The following XKR6 variants were observed in gnomAD, a reference collection of about 807,000 sequenced individuals.
XKR6 encodes the protein XK related 6, also known as XK-related protein 6.
In XKR6, 22 loss-of-function variants were observed where a neutral mutation model predicts 56.7. The observed-to-expected ratio is 0.39, with a 90% confidence interval of 0.28 to 0.55. The LOEUF (loss-of-function observed/expected upper bound fraction) is 0.55. Among genes scored for constraint, XKR6 ranks in the 20% least tolerant of loss-of-function variants. The probability of loss-of-function intolerance (pLI) is 0.66; values close to 1 mark genes in which losing one functional copy is unlikely to be tolerated. For missense variants in XKR6, 852 were observed against 889.0 expected, an observed-to-expected ratio of 0.96 and a Z score of 0.53; for synonymous variants, 524 against 387.8, an observed-to-expected ratio of 1.35 and a Z score of -4.13.
At chr8:10,923,206 T>A (rs915764173) in intron 2 of XKR6, among the ~76,000 whole-genome samples, 5 of 152,264 alleles carry the variant, frequency 3.3e-5, no homozygotes, top group African/African-American at 1.2e-4. Context: ...AACTGGTCCC[T>A]CAGCTCAGTG....
chr8:11,101,663 G>C (rs764504039), intron 1 of XKR6, among the ~76,000 whole-genome samples: 1 of 152,196 alleles, frequency 6.6e-6, no homozygotes, highest in African/African-American at 2.4e-5. Flanking sequence ...TCACAGGAGA[G>C]AAGTCCTGGA....
In XKR6 at chr8:11,106,863, A is replaced by AAAAAAAAAAAAAAAAAAAAG. The variant is rs60435831; in HGVS notation, c.764+93712_764+93713insCTTTTTTTTTTTTTTTTTTT. On this transcript the variant is annotated intron_variant, in intron 1 of 2. Transcript: ENST00000416569. Reference sequence around the variant, plus strand: ...GAGACTTCATCTCAAAAAAAAAAAAAAATAAAAAAGATACAACGTTACAAA... The same window carrying AAAAAAAAAAAAAAAAAAAAG: ...GAGACTTCATCTCAAAAAAAAAAAAAAAAAAAAAAAAAAAAAAAAGAATAAAAAAGATACAACGTTACAAA... Among the ~76,000 whole-genome samples the AAAAAAAAAAAAAAAAAAAAG allele has an allele frequency of 1.3e-3, 142 of 109,872 alleles. 10 individuals carry two copies. The highest frequency in any genetic ancestry group is 5.7e-3 in the African/African-American group (124 of 21,600). 72.1% of individuals were successfully genotyped at this position (109,872 alleles called of 152,430 possible). A position where few individuals can be genotyped will look rare whatever the true frequency, so the allele number is the denominator to read the frequency against.
At chr8:11,173,290 G>C (rs1266334449) in intron 1 of XKR6, among the ~76,000 whole-genome samples, 1 of 151,506 alleles carries the variant, frequency 6.6e-6, no homozygotes, top group African/African-American at 2.4e-5. Context: ...CTTGCAGTGA[G>C]CTGAGATCGT....
intron 1 of XKR6, among the ~76,000 whole-genome samples, chr8:11,042,071 A>G (rs1349866648): frequency 6.6e-6 from 1 of 152,198 alleles, no homozygotes; most frequent in Admixed American, 6.5e-5. Context: ...ATAAGCAAGT[A>G]CACATGCACC....
At chr8:11,188,211 G>T (rs1172230116) in intron 1 of XKR6, among the ~76,000 whole-genome samples, 1 of 152,112 alleles carries the variant, frequency 6.6e-6, no homozygotes, top group Non-Finnish European at 1.5e-5. Context: ...CCAAAACCAG[G>T]TAACATGCCT....
chr8:11,148,649 C>A (rs1185057751), intron 1 of XKR6, among the ~76,000 whole-genome samples: 1 of 152,176 alleles, frequency 6.6e-6, no homozygotes, highest in Non-Finnish European at 1.5e-5. Context: ...ATATACCTAT[C>A]ATATGATCCA....
chr8:11,185,606 A>T (rs1352512674), intron 1 of XKR6, among the ~76,000 whole-genome samples: 2 of 152,164 alleles, frequency 1.3e-5, no homozygotes, highest in African/African-American at 4.8e-5. Context: ...TTCCTGGGAG[A>T]TGGCACCCAA....
intron 1 of XKR6, among the ~76,000 whole-genome samples, chr8:10,961,415 G>C (rs1224528541): frequency 6.6e-6 from 1 of 152,194 alleles, no homozygotes; most frequent in East Asian, 1.9e-4. Flanking sequence ...GGCAGAGCTT[G>C]GGCCTGGCAT....
At chr8:11,009,564 G>A (rs532983991) in intron 1 of XKR6, among the ~76,000 whole-genome samples, 2 of 152,208 alleles carry the variant, frequency 1.3e-5, no homozygotes, top group African/African-American at 4.8e-5. Context: ...GAGATAGCAT[G>A]AGCTTAGAAC....
intron 1 of XKR6, among the ~76,000 whole-genome samples, chr8:10,986,077 A>G (rs2129138949): frequency 6.6e-6 from 1 of 152,376 alleles, no homozygotes; most frequent in Middle Eastern, 3.4e-3. Flanking sequence ...GTACTTGCAT[A>G]AAAGATGTAG....
At chr8:11,012,886 C>T (rs11250109) in intron 1 of XKR6, among the ~76,000 whole-genome samples, 9,275 of 152,208 alleles carry the variant, frequency 0.061, 948 homozygotes, top group African/African-American at 0.21. Flanking sequence ...GGACACTTTT[C>T]GTCCAATGCC....
intron 1 of XKR6, among the ~76,000 whole-genome samples, chr8:11,056,844 G>A (rs906434517): frequency 6.6e-6 from 1 of 152,180 alleles, no homozygotes; most frequent in Non-Finnish European, 1.5e-5. Context: ...CCAGCCAGGG[G>A]ATCAGCTGGG....
chr8:11,101,840 G>A (rs1798496836), intron 1 of XKR6, among the ~76,000 whole-genome samples: 1 of 152,080 alleles, frequency 6.6e-6, no homozygotes, highest in East Asian at 1.9e-4. Flanking sequence ...AGCCCTTTAG[G>A]GATGTGGCTC....
intron 1 of XKR6, among the ~76,000 whole-genome samples, chr8:11,071,805 C>T (rs1800131317): frequency 6.6e-6 from 1 of 152,204 alleles, no homozygotes; most frequent in African/African-American, 2.4e-5. Flanking sequence ...TAAGGTGGCC[C>T]AGCACCCTCT....
At chr8:10,989,889 T>G (rs1797949176) in intron 1 of XKR6, among the ~76,000 whole-genome samples, 1 of 152,234 alleles carries the variant, frequency 6.6e-6, no homozygotes, top group South Asian at 2.1e-4. Context: ...CTGTCACTTC[T>G]GGTATCTTTT....
chr8:11,024,507 T>C (rs1052778640), intron 1 of XKR6, among the ~76,000 whole-genome samples: 2 of 152,174 alleles, frequency 1.3e-5, no homozygotes, highest in Admixed American at 6.5e-5. Flanking sequence ...CAGTCAGTGG[T>C]AGCCATTACT....
At chr8:11,139,971 G>A (rs754347706) in intron 1 of XKR6, among the ~76,000 whole-genome samples, 11 of 152,116 alleles carry the variant, frequency 7.2e-5, no homozygotes, top group Non-Finnish European at 1.5e-4. Flanking sequence ...AAGCCAGAAT[G>A]ATTTCCTTTT....
chr8:10,924,322 C>G (rs1400159006), intron 2 of XKR6, among the ~76,000 whole-genome samples: 5 of 152,266 alleles, frequency 3.3e-5, no homozygotes, highest in African/African-American at 9.6e-5. Flanking sequence ...CAGGTCAGCA[C>G]CCAAGGACAG....
chr8:10,898,333 C>T lies in XKR6; in HGVS notation c.1545G>A (p.Glu515=), dbSNP rs1348006862. 1.9e-6 allele frequency: 3 copies of T among 1,613,840 alleles called. No individual in the cohort carries two copies. The African/African-American group carries it at 4.0e-5, about 22-fold the overall frequency. ...AKILASSCCA[E]LLWGIPLPPD... ...GGGGCAAAGGGATGCCCCAGAGCAG[C>T]TCGGCACAACAGGAGCTGGCAAGGA... The change falls in exon 3 of 3, where the codon GAG becomes GAA. Residue 515 remains glutamate (E), a synonymous_variant. Transcript: ENST00000416569. This position sits in a 1 kb window ranked among gnomAD's most constrained non-coding sequence, Gnocchi z 6.6.
Sources: gnomAD v4.1 joint callset for allele counts (sites outside exome capture counted in the v4.1 genomes callset) on GRCh38, gnomAD v4.1.1 for gene constraint, Gnocchi (gnomAD v3.1) non-coding constraint, MANE v1.5 for transcripts, NCBI Gene and HGNC (gene_info 2026-07-23, HGNC 2026-07-21) for gene names.